Variants in PMEPA1 observed in about 807,000 individuals in gnomAD.
The protein encoded by PMEPA1 is protein TMEPAI.
A neutral mutation model predicts 23.0 loss-of-function variants in PMEPA1; 11 were observed. The ratio of observed to expected loss-of-function variants is 0.48; its 90% confidence interval spans 0.30 to 0.79. The LOEUF (loss-of-function observed/expected upper bound fraction) is 0.79. Ranked by LOEUF, PMEPA1 falls within the 30% of genes least tolerant of loss-of-function variation. The pLI, the probability that PMEPA1 is intolerant of heterozygous loss-of-function variation, is 0.06. For synonymous variants in PMEPA1, 204 were observed against 166.4 expected, an observed-to-expected ratio of 1.23 and a Z score of -1.74; for missense variants, 377 against 390.9, an observed-to-expected ratio of 0.96 and a Z score of 0.30.
At chr20:57,710,294 C>T (rs778442533), upstream of PMEPA1, 25 of 732,012 alleles carry the variant, frequency 3.4e-5, no homozygotes, top group Non-Finnish European at 5.1e-5. Context: ...AACTCGGTGC[C>T]AGCCGCACCC....
At chr20:57,677,058 C>A (rs1452791146) in intron 1 of PMEPA1, among the ~76,000 whole-genome samples, 1 of 152,264 alleles carries the variant, frequency 6.6e-6, no homozygotes, top group African/African-American at 2.4e-5. Context: ...CTGCTCCCAC[C>A]CCAAGGCCTT....
intron 1 of PMEPA1, among the ~76,000 whole-genome samples, chr20:57,675,849 T>C (rs951468673): frequency 4.6e-5 from 7 of 152,204 alleles, no homozygotes; most frequent in Non-Finnish European, 1.0e-4. Flanking sequence ...TCTAAATCCG[T>C]TGAGTCTTTC....
chr20:57,657,310 A>G (rs1372828829), intron 2 of PMEPA1, among the ~76,000 whole-genome samples: 18 of 152,060 alleles, frequency 1.2e-4, no homozygotes, highest in Admixed American at 1.2e-3. Context: ...TGCCTTCTGG[A>G]ATGTCCAGGC....
Position 57,650,105 on chromosome 20 carries a change from GC to G in PMEPA1, c.*1947del, listed in dbSNP as rs2071204027. ...GAACTTTCTACTAGGCTGGCGGCAT[GC>G]AGAGCCCACGTCTGTCAGCTGCCAC... On this transcript the variant is annotated 3_prime_UTR_variant, in exon 4 of 4. Coordinates refer to ENST00000341744, the MANE Select transcript of PMEPA1 (RefSeq NM_020182.5). The G allele has an allele frequency of 6.6e-6, 1 of 152,332 alleles. No individual in the cohort carries two copies. Among genetic ancestry groups the G allele is most frequent in the African/African-American group, 2.4e-5 (1 of 41,456 alleles). 9.4% of individuals were successfully genotyped at this position (152,332 alleles called of 1,614,324 possible). A position where few individuals can be genotyped will look rare whatever the true frequency, so the allele number is the denominator to read the frequency against.
intron 1 of PMEPA1, among the ~76,000 whole-genome samples, chr20:57,673,493 C>T (rs1486123641): frequency 1.3e-5 from 2 of 152,228 alleles, no homozygotes; most frequent in Non-Finnish European, 2.9e-5. Context: ...CCTGCAGCCT[C>T]CTCAAAGCCG....
In PMEPA1 at chr20:57,651,966, C is replaced by T; in HGVS notation, c.*87G>A. On this transcript the variant is annotated 3_prime_UTR_variant, in exon 4 of 4. Transcript: ENST00000341744. The stretch of plus-strand genomic sequence containing the variant: ...GGCCACACGATGCGTTGCTGCGCCC[C>T]CCGCCTTCCTCTCACTCCTCTTCTA... 1.7e-6 allele frequency: 2 copies of T among 1,181,854 alleles called. No individual in the cohort carries two copies. Among genetic ancestry groups the T allele is most frequent in the East Asian group, 2.7e-5 (1 of 37,122 alleles). The allele number at this position is 1,181,854 out of a possible 1,614,324, so 73.2% of individuals were successfully genotyped here.
At chr20:57,664,172 G>T (rs145473377) in intron 1 of PMEPA1, among the ~76,000 whole-genome samples, 125 of 152,310 alleles carry the variant, frequency 8.2e-4, no homozygotes, top group Non-Finnish European at 1.6e-3. Context: ...TTCCCACCTG[G>T]CATCACGGGA....
In PMEPA1 at chr20:57,677,775, C is replaced by A. The variant is rs537521043; in HGVS notation, c.110-18078G>T. On this transcript the variant is annotated intron_variant, in intron 1 of 3. Transcript: ENST00000341744. ...TTCATAGCAAAAACAAACAAACAAA[C>A]AAAAAAAACTGGAAGCAATCCAGAT... Among the ~76,000 whole-genome samples the A allele has an allele frequency of 9.2e-5, 14 of 151,566 alleles. No individual in the cohort carries two copies. The South Asian group carries it at 1.9e-3, about 20-fold the overall frequency.
rs1199460888 is a variant in PMEPA1 at position 57,658,420 on chromosome 20, A to G, written c.264+1123T>C. On this transcript the variant is annotated intron_variant, in intron 2 of 3. Coordinates refer to ENST00000341744, the MANE Select transcript of PMEPA1 (RefSeq NM_020182.5). Reference sequence around the variant, plus strand: ...CGTGCACCTGCTCCTGTCTGCGCCCATCCAACTCACCAGCAGCACCCCCTG... The same window carrying G: ...CGTGCACCTGCTCCTGTCTGCGCCCGTCCAACTCACCAGCAGCACCCCCTG... Among the ~76,000 whole-genome samples the G allele has an allele frequency of 3.3e-5, 5 of 152,020 alleles. 1 individual carries two copies. The highest frequency in any genetic ancestry group is 2.6e-4 in the Admixed American group (4 of 15,256).
chr20:57,690,291 G>C, intron 1 of PMEPA1: 5 of 574,358 alleles, frequency 8.7e-6, no homozygotes, highest in Non-Finnish European at 1.5e-5. Flanking sequence ...CACCCGGGGG[G>C]GCCGGGCCCA....
chr20:57,659,896 C>T (rs112932610), intron 1 of PMEPA1, among the ~76,000 whole-genome samples, 199 bp from the exon 2 acceptor site: 66 of 152,334 alleles, frequency 4.3e-4, no homozygotes, highest in African/African-American at 1.5e-3. Context: ...GCTCTCACGG[C>T]GGAGGAGGGG....
chr20:57,677,619 G>C (rs1019165925), intron 1 of PMEPA1, among the ~76,000 whole-genome samples: 1 of 152,104 alleles, frequency 6.6e-6, no homozygotes, highest in Non-Finnish European at 1.5e-5. Flanking sequence ...GAAACTGAAG[G>C]GTCTTTCAAA....
intron 1 of PMEPA1, among the ~76,000 whole-genome samples, chr20:57,665,258 A>T (rs1465468564): frequency 6.6e-6 from 1 of 152,214 alleles, no homozygotes; most frequent in Non-Finnish European, 1.5e-5. Context: ...AGGGAGAAGT[A>T]GCCCTAGAAG....
chr20:57,698,808 T>C (rs2071974613), intron 1 of PMEPA1, among the ~76,000 whole-genome samples: 1 of 152,100 alleles, frequency 6.6e-6, no homozygotes, highest in Non-Finnish European at 1.5e-5. Context: ...AGCACGTACA[T>C]ATAGAGGCAC....
intron 1 of PMEPA1, among the ~76,000 whole-genome samples, chr20:57,678,956 A>AAG (rs1283312772): frequency 2.0e-5 from 3 of 152,210 alleles, no homozygotes; most frequent in Non-Finnish European, 4.4e-5. Context: ...ATTGTTCAGG[A>AAG]AGAACTGCGG....
chr20:57,689,586 C>A (rs1047571051), intron 1 of PMEPA1, among the ~76,000 whole-genome samples: 10 of 152,208 alleles, frequency 6.6e-5, no homozygotes, highest in Non-Finnish European at 1.5e-4. Context: ...CCTCTTTGCC[C>A]GTCGCTAAAG....
chr20:57,698,407 T>C (rs531869003), intron 1 of PMEPA1, among the ~76,000 whole-genome samples: 1 of 152,320 alleles, frequency 6.6e-6, no homozygotes, highest in African/African-American at 2.4e-5. Flanking sequence ...GAATCAGCCC[T>C]GGCTCACCGT....
chr20:57,709,261 G>C (rs1424188058), intron 1 of PMEPA1, among the ~76,000 whole-genome samples: 1 of 148,748 alleles, frequency 6.7e-6, no homozygotes, highest in East Asian at 2.0e-4. Flanking sequence ...AGCGGGGGCC[G>C]TGCCAGGCTC....
At chr20:57,689,793 G>A (rs947090602) in intron 1 of PMEPA1, among the ~76,000 whole-genome samples, 7 of 152,264 alleles carry the variant, frequency 4.6e-5, no homozygotes, top group South Asian at 2.1e-4. Flanking sequence ...GGGACCTGTC[G>A]TAAAAAGAGA....
Sources: gnomAD v4.1 joint callset for allele counts (sites outside exome capture counted in the v4.1 genomes callset) on GRCh38, gnomAD v4.1.1 for gene constraint, MANE v1.5 for transcripts, NCBI Gene and HGNC (gene_info 2026-07-23, HGNC 2026-07-21) for gene names.